DNMBP: variants seen among roughly 807,000 people sequenced by gnomAD.
DNMBP encodes dynamin-binding protein.
DNMBP carries 87 observed loss-of-function variants against 150.0 expected under a neutral mutation model. The ratio of observed to expected loss-of-function variants is 0.58; its 90% CI spans 0.49 to 0.69. The LOEUF (loss-of-function observed/expected upper bound fraction) is 0.69, where lower values mean the gene tolerates loss of function less well. Among genes scored for constraint, DNMBP ranks in the 30% least tolerant of loss-of-function variants. The pLI is 0.00. For synonymous variants in DNMBP, 711 were observed against 750.4 expected (o/e 0.95, Z 0.86); for missense variants, 1,774 against 1,949.0 (o/e 0.91, Z 1.69).
intron 1 of DNMBP, among the ~76,000 whole-genome samples, chr10:100,000,282 A>G (rs1488610673): frequency 2.0e-5 from 3 of 152,180 alleles, no homozygotes; most frequent in African/African-American, 7.2e-5. Context: ...GGAGGTAAGC[A>G]TAACTCGGCA....
chr10:99,979,851 C>T (rs1157592107), intron 1 of DNMBP, among the ~76,000 whole-genome samples: 1 of 152,236 alleles, frequency 6.6e-6, no homozygotes, highest in African/African-American at 2.4e-5. Context: ...GCAGTCCCAT[C>T]CAAACGAAAT....
At chr10:100,007,788 T>G (rs553278505) in intron 1 of DNMBP, among the ~76,000 whole-genome samples, 30 of 152,264 alleles carry the variant, frequency 2.0e-4, no homozygotes, top group Non-Finnish European at 4.0e-4. Context: ...CTTTCTGCCT[T>G]TCCAGGCAAG....
intron 4 of DNMBP, chr10:99,914,206 C>T: frequency 1.0e-6 from 1 of 993,638 alleles, no homozygotes; most frequent in Middle Eastern, 2.3e-4. Flanking sequence ...GCGGGCCCAG[C>T]AGTACCTGGA....
intron 4 of DNMBP, among the ~76,000 whole-genome samples, chr10:99,932,547 G>A (rs1169306037): frequency 6.6e-6 from 1 of 151,556 alleles, no homozygotes; most frequent in Non-Finnish European, 1.5e-5. Flanking sequence ...GCTGCATAAA[G>A]CACATAGTTC....
rs71009782 is a variant in DNMBP, at chr10:99,883,638, C to CAAAAAAA, written c.3997+366_3997+372dup. On this transcript the variant is annotated intron_variant, in intron 15 of 16. Coordinates refer to ENST00000324109, the MANE Select transcript of DNMBP (RefSeq NM_015221.4). ...CCTGGATAACAGAGCAAGACTGCCA[C>CAAAAAAA]AAAAAAAAAAAAAAAAAAAAAAAAA... is the stretch of plus-strand genomic sequence containing the variant. Among the ~76,000 whole-genome samples the CAAAAAAA allele has an allele frequency of 5.0e-3, 327 of 65,518 alleles. 8 individuals carry two copies. The highest frequency in any genetic ancestry group is 6.5e-3 in the East Asian group (7 of 1,076). The allele number at this position is 65,518 out of a possible 152,430, so 43.0% of individuals were successfully genotyped here.
intron 1 of DNMBP, among the ~76,000 whole-genome samples, chr10:99,975,359 CA>C (rs5787365): frequency 0.47 from 65,552 of 139,418 alleles, 14,716 homozygotes; most frequent in African/African-American, 0.58. Flanking sequence ...AACTATGTCT[CA>C]AAAAAAAAAA....
chr10:99,924,366 C>G (rs2040055632), intron 4 of DNMBP, among the ~76,000 whole-genome samples: 1 of 152,168 alleles, frequency 6.6e-6, no homozygotes, highest in African/African-American at 2.4e-5. Flanking sequence ...TGGCATGGAC[C>G]CAGGAAGCAG....
At chr10:100,005,493 C>CT (rs1458200907) in intron 1 of DNMBP, among the ~76,000 whole-genome samples, 18 of 152,142 alleles carry the variant, frequency 1.2e-4, no homozygotes, top group African/African-American at 4.1e-4. Flanking sequence ...GTGGTTCATA[C>CT]CTGTAATCCC....
At chr10:99,892,043 T>G (rs1240692535) in intron 11 of DNMBP, among the ~76,000 whole-genome samples, 1 of 120,528 alleles carries the variant, frequency 8.3e-6, no homozygotes, top group Non-Finnish European at 1.6e-5. Context: ...GGGAGGGAGG[T>G]GGGGGGGTCA....
intron 14 of DNMBP, among the ~76,000 whole-genome samples, chr10:99,884,719 G>C (rs2039430207): frequency 6.6e-6 from 1 of 151,974 alleles, no homozygotes; most frequent in Non-Finnish European, 1.5e-5. Context: ...GACCAGTCTG[G>C]TCAACATAGC....
chr10:99,975,037 G>C (rs1034956646), intron 1 of DNMBP, among the ~76,000 whole-genome samples: 2 of 152,102 alleles, frequency 1.3e-5, no homozygotes, highest in African/African-American at 4.8e-5. Flanking sequence ...GGGGGTTACA[G>C]GGAGAAGCCA....
At chr10:99,971,032 A>C (rs1017775890) in intron 2 of DNMBP, among the ~76,000 whole-genome samples, 2 of 151,350 alleles carry the variant, frequency 1.3e-5, no homozygotes, top group Non-Finnish European at 2.9e-5. Flanking sequence ...GTTATGAAGA[A>C]AGGAATAACA....
At chr10:99,888,542 T>G (rs1413987662) in intron 12 of DNMBP, among the ~76,000 whole-genome samples, 1 of 152,220 alleles carries the variant, frequency 6.6e-6, no homozygotes, top group Admixed American at 6.5e-5. Flanking sequence ...ATAGTTGCTT[T>G]TATTTGATCA....
intron 1 of DNMBP, among the ~76,000 whole-genome samples, chr10:99,985,564 C>T (rs1457703518): frequency 3.9e-5 from 6 of 152,050 alleles, no homozygotes; most frequent in East Asian, 1.9e-4. Context: ...TATGCTTCCA[C>T]GAGCATCCTT....
chr10:99,925,421 A>C (rs1268947885), intron 4 of DNMBP, among the ~76,000 whole-genome samples: 2 of 151,900 alleles, frequency 1.3e-5, no homozygotes, highest in Admixed American at 6.6e-5. Flanking sequence ...TTTATTTTTT[A>C]TTTTATTTTT....
At chr10:99,945,483 A>T (rs916358620) in intron 4 of DNMBP, among the ~76,000 whole-genome samples, 6 of 152,216 alleles carry the variant, frequency 3.9e-5, no homozygotes, top group African/African-American at 1.2e-4. Context: ...GTGTGTTGCC[A>T]ACAGTGAGTC....
At chr10:99,900,401 A>C (rs927767292) in intron 6 of DNMBP, among the ~76,000 whole-genome samples, 2 of 150,586 alleles carry the variant, frequency 1.3e-5, no homozygotes, top group African/African-American at 4.9e-5. Context: ...AGTAGCTGGG[A>C]CCACGTGTGC....
In DNMBP at chr10:99,880,323, AG is replaced by A; in HGVS notation, c.4035del (p.Tyr1346ThrfsTer38). ...KGFVYSSFLK[P>X]YNPRRSHSDA... is the part of the protein sequence containing the mutation. ...TCGGAGTGGCTGCGGCGAGGATTGT[AG>A]GGCTTTAGGAAAGAGCTGTACACGA... On this transcript the variant is annotated frameshift_variant, in exon 16 of 17. Transcript: ENST00000324109. LOFTEE classifies it high-confidence loss of function. The A allele has an allele frequency of 6.2e-7, 1 of 1,609,532 alleles. No individual in the cohort carries two copies. Among genetic ancestry groups the A allele is most frequent in the Non-Finnish European group, 8.5e-7 (1 of 1,178,582 alleles).
chr10:99,883,046 TAAA>T (rs1460385702), intron 15 of DNMBP, among the ~76,000 whole-genome samples: 1 of 152,090 alleles, frequency 6.6e-6, no homozygotes, highest in Admixed American at 6.6e-5. Flanking sequence ...GACCCTGTCT[TAAA>T]AAATAATAAA....
Sources: gnomAD v4.1 joint callset for allele counts (sites outside exome capture counted in the v4.1 genomes callset) on GRCh38, gnomAD v4.1.1 for gene constraint, MANE v1.5 for transcripts, NCBI Gene and HGNC (gene_info 2026-07-23, HGNC 2026-07-21) for gene names.